The following CDK17 variants were observed in gnomAD, a reference collection of about 807,000 sequenced individuals.
The protein encoded by CDK17 is cyclin dependent kinase 17.
Under a neutral mutation model 77.6 loss-of-function variants are expected in CDK17, and 24 were observed. That is an observed-to-expected ratio of 0.31 (90% CI 0.22 to 0.44). The LOEUF (loss-of-function observed/expected upper bound fraction) is 0.44. Ranked by LOEUF, CDK17 falls within the 20% of genes least tolerant of loss-of-function variation. The probability of loss-of-function intolerance (pLI) is 1.00; values close to 1 mark genes in which losing one functional copy is unlikely to be tolerated. For missense variants in CDK17, 429 were observed against 622.5 expected (o/e 0.69, Z 3.31); for synonymous variants, 203 against 210.4 (o/e 0.96, Z 0.30).
At chr12:96,298,592 T>G (rs1053532223) in intron 7 of CDK17, among the ~76,000 whole-genome samples, 1 of 152,218 alleles carries the variant, frequency 6.6e-6, no homozygotes, top group Admixed American at 6.5e-5. Flanking sequence ...ATCTGGTTAA[T>G]TTATAGTTAC....
In CDK17 at chr12:96,304,434, G is replaced by A. The variant is rs556724601; in HGVS notation, c.544-4074C>T. 8.5e-5 allele frequency among the ~76,000 whole-genome samples: 13 copies of A among 152,288 alleles called. No homozygotes were observed. The South Asian group carries it at 2.7e-3, about 32-fold the overall frequency. On this transcript the variant is annotated intron_variant, in intron 5 of 16. Transcript: ENST00000261211. ...TACCTATAATCCCAGCTACTCGGGA[G>A]GCTGAGGCAGAAGAATCGCTTGAAC...
chr12:96,364,081 T>A (rs1953544101), intron 1 of CDK17, among the ~76,000 whole-genome samples: 1 of 152,246 alleles, frequency 6.6e-6, no homozygotes, highest in Non-Finnish European at 1.5e-5. Flanking sequence ...TCTATGTTGT[T>A]CTGTGTATCA....
chr12:96,344,535 T>C (rs1391736879), intron 1 of CDK17, among the ~76,000 whole-genome samples: 6 of 152,228 alleles, frequency 3.9e-5, no homozygotes, highest in Non-Finnish European at 5.9e-5. Context: ...CAGGCAGCAA[T>C]AGGAACGGCA....
chr12:96,313,835 T>C (rs1186987745), intron 3 of CDK17, among the ~76,000 whole-genome samples: 3 of 152,158 alleles, frequency 2.0e-5, no homozygotes, highest in Non-Finnish European at 4.4e-5. Context: ...AGAGCTGGAA[T>C]AGACACCTGG....
rs113884709 is a variant in CDK17, at chr12:96,323,904, G to A, written c.283+44C>T. 22 of 1,410,370 alleles carry A rather than the reference G, an allele frequency of 1.6e-5. 1 individual carries two copies. Among genetic ancestry groups the A allele is most frequent in the African/African-American group, 7.2e-5 (5 of 69,706 alleles). 87.4% of individuals were successfully genotyped at this position (1,410,370 alleles called of 1,614,324 possible). On this transcript the variant is annotated intron_variant, in intron 3 of 16. Transcript: ENST00000261211. ...ATTAAAACTTAACTATGTGCATGAC[G>A]TATAATCAGAAAGGTAAACACAACA...
rs148859443 is a variant in CDK17 at position 96,379,368 on chromosome 12, T to A, written c.-30+20618A>T. The stretch of plus-strand genomic sequence containing the variant: ...CAATTAATGTTTATATTCTTGATTA[T>A]AAGATATGCTGATATTTATAGTTAA... On this transcript the variant is annotated intron_variant, in intron 1 of 16. Coordinates refer to ENST00000261211, the MANE Select transcript of CDK17 (RefSeq NM_002595.5). Among the ~76,000 whole-genome samples, 649 of 152,366 alleles carry A rather than the reference T, an allele frequency of 4.3e-3. 4 individuals are homozygous for A. Among genetic ancestry groups the A allele is most frequent in the African/African-American group, 0.015 (610 of 41,588 alleles).
At chr12:96,303,355 T>C (rs1395870597) in intron 5 of CDK17, 1 of 152,282 alleles carries the variant, frequency 6.6e-6, no homozygotes, top group East Asian at 1.9e-4. Flanking sequence ...AGCTTTATAA[T>C]GTGTATGTTG....
In CDK17 at chr12:96,337,927, G is replaced by A. The variant is rs544917429; in HGVS notation, c.-29-3062C>T. 5.9e-5 allele frequency among the ~76,000 whole-genome samples: 9 copies of A among 152,262 alleles called. No individual in the cohort carries two copies. The South Asian group carries it at 1.0e-3, about 18-fold the overall frequency. Reference sequence around the variant, plus strand: ...GAGAGGCTCCTGGGAGATAACCTCCGAGCCCTTGGAATATCCTGCCTGATA... The same window carrying A: ...GAGAGGCTCCTGGGAGATAACCTCCAAGCCCTTGGAATATCCTGCCTGATA... On this transcript the variant is annotated intron_variant, in intron 1 of 16. Transcript: ENST00000261211.
chr12:96,311,219 G>A, intron 4 of CDK17, 42 bp from the exon 5 acceptor site: 1 of 1,479,284 alleles, frequency 6.8e-7, no homozygotes, highest in South Asian at 1.4e-5. Flanking sequence ...TAAAGGCAAG[G>A]CATTTGGCTT....
chr12:96,344,128 G>T (rs1216138101), intron 1 of CDK17, among the ~76,000 whole-genome samples: 6 of 151,926 alleles, frequency 3.9e-5, no homozygotes, highest in Non-Finnish European at 1.5e-5. Flanking sequence ...TGAAGACAAG[G>T]CAATTAAAAT....
At chr12:96,316,427 C>G (rs4403846) in intron 3 of CDK17, among the ~76,000 whole-genome samples, 127,168 of 141,530 alleles carry the variant, frequency 0.9, 57,434 homozygotes, top group East Asian at 0.95. Flanking sequence ...AAAGCAGCCA[C>G]GAAGCTCGAA....
rs1954235857 is a variant in CDK17 at position 96,400,074 on chromosome 12, C to A, written c.-118G>T. The A allele has an allele frequency of 1.5e-5, 6 of 389,916 alleles. No individual in the cohort carries two copies. The highest frequency in any genetic ancestry group is 8.9e-5 in the Admixed American group (2 of 22,412). The allele number at this position is 389,916 out of a possible 1,614,324, so 24.2% of individuals were successfully genotyped here. On this transcript the variant is annotated 5_prime_UTR_variant, in exon 1 of 17. Coordinates refer to ENST00000261211, the MANE Select transcript of CDK17 (RefSeq NM_002595.5). ...CGCGGACGCCCGCGGCGACCGGATG[C>A]AAGTCCGGGTCTCAGCGGCCGGCAG...
At chr12:96,392,789 T>C (rs559292032) in intron 1 of CDK17, among the ~76,000 whole-genome samples, 3 of 152,260 alleles carry the variant, frequency 2.0e-5, no homozygotes, top group Non-Finnish European at 2.9e-5. Flanking sequence ...GTGGAGATTA[T>C]TGCATATGGG....
At chr12:96,377,502 AAT>A (rs1469738824) in intron 1 of CDK17, among the ~76,000 whole-genome samples, 2 of 152,154 alleles carry the variant, frequency 1.3e-5, no homozygotes, top group Non-Finnish European at 2.9e-5. Context: ...AAAAATGTCC[AAT>A]GTCATTGATA....
intron 6 of CDK17, among the ~76,000 whole-genome samples, chr12:96,299,213 T>C (rs1339214716): frequency 3.3e-5 from 5 of 152,084 alleles, no homozygotes; most frequent in Non-Finnish European, 5.9e-5. Context: ...GCCTCAAGAG[T>C]ATAAAAACAT....
At chr12:96,280,918 G>A (rs764687930) in intron 15 of CDK17, 33 bp from the exon 16 acceptor site, 2 of 1,549,340 alleles carry the variant, frequency 1.3e-6, no homozygotes, top group Admixed American at 1.7e-5. Flanking sequence ...ATTAGGTGAA[G>A]GTCTAACATT....
chr12:96,307,573 C>A (rs543541607), intron 5 of CDK17, among the ~76,000 whole-genome samples: 3 of 151,862 alleles, frequency 2.0e-5, no homozygotes, highest in African/African-American at 7.3e-5. Flanking sequence ...CAAAATCATC[C>A]CAATAAAAAT....
Position 96,280,249 on chromosome 12 carries a change from A to G in CDK17, c.1565T>C (p.Leu522Pro). The G allele has an allele frequency of 6.4e-7, 1 of 1,551,298 alleles. No homozygotes were observed. The highest frequency in any genetic ancestry group is 2.4e-5 in the East Asian group (1 of 40,902). The change falls in exon 17 of 17, where the codon CTC (leucine) becomes CCC (proline). Residue 522 changes from leucine to proline, a missense_variant. Leu to Pro is a moderately conservative substitution (Grantham distance 98). Around this residue, in one of 4 missense-constraint regions of CDK17, gnomAD observed 115 missense variants for 124.2 expected, o/e 0.93. Coordinates refer to ENST00000261211, the MANE Select transcript of CDK17 (RefSeq NM_002595.5). ...GHGKNRRQSMLF is the reference protein window; with the variant it reads ...GHGKNRRQSMPF The stretch of plus-strand genomic sequence containing the variant: ...GAAACCATGTTATCAGACTTAAAAG[A>G]GCATGCTCTGTCTTCTGTTCTTCCC...
chr12:96,377,108 AG>A (rs1206782601), intron 1 of CDK17, among the ~76,000 whole-genome samples: 5 of 152,226 alleles, frequency 3.3e-5, no homozygotes, highest in Non-Finnish European at 7.3e-5. Flanking sequence ...CCAGAAAGCA[AG>A]GGGTAAGCAT....
Sources: gnomAD v4.1 joint callset for allele counts (sites outside exome capture counted in the v4.1 genomes callset) on GRCh38, gnomAD v4.1.1 for gene constraint, gnomAD v4.1.1 regional missense constraint, MANE v1.5 for transcripts, NCBI Gene and HGNC (gene_info 2026-07-23, HGNC 2026-07-21) for gene names.